The following MOXD1 variants were observed in gnomAD, a reference collection of about 807,000 sequenced individuals.
MOXD1 encodes the protein monooxygenase DBH like 1, also known as DBH-like monooxygenase protein 1.
MOXD1 carries 62 observed loss-of-function variants against 66.6 expected under a neutral mutation model. The observed-to-expected ratio is 0.93, with a 90% CI of 0.76 to 1.15. The LOEUF (loss-of-function observed/expected upper bound fraction) is 1.15, where lower values mean the gene tolerates loss of function less well. MOXD1 is among the 50% of genes most tolerant of loss of function. The pLI is 0.00. For missense variants in MOXD1, 847 were observed against 754.6 expected, an observed-to-expected ratio of 1.12 and a Z score of -1.44; for synonymous variants, 303 against 281.9, an observed-to-expected ratio of 1.07 and a Z score of -0.75.
intron 1 of MOXD1, among the ~76,000 whole-genome samples, chr6:132,384,784 C>T (rs1307236158): frequency 6.6e-6 from 1 of 152,200 alleles, no homozygotes; most frequent in African/African-American, 2.4e-5. Flanking sequence ...AAAGAGGTCC[C>T]TGAGGTCAGC....
chr6:132,320,592 C>T (rs1775056933), intron 9 of MOXD1, 37 bp downstream of exon 9: 1 of 1,500,350 alleles, frequency 6.7e-7, no homozygotes, highest in Non-Finnish European at 9.1e-7. Context: ...TCTTTCTCTC[C>T]ATAAATGAAC....
Position 132,297,800 on chromosome 6 carries a change from T to C in MOXD1, c.1664A>G (p.Asn555Ser). The C allele has an allele frequency of 1.9e-6, 3 of 1,604,944 alleles. No individual in the cohort carries two copies. Among genetic ancestry groups the C allele is most frequent in the Non-Finnish European group, 2.5e-6 (3 of 1,177,032 alleles). ...PVNVRCSKTDNAEWSIQGMTA... is the reference protein window; with the variant it reads ...PVNVRCSKTDSAEWSIQGMTA... ...AAAAGAGCTTACCGACCACTCAGCA[T>C]TGTCTGTCTTGGAACATCTCACATT... The change falls in exon 11 of 12, where the codon AAT (asparagine) becomes AGT (serine). Residue 555 changes from asparagine to serine, a missense_variant. Asn to Ser is a conservative substitution (Grantham distance 46). Coordinates refer to ENST00000367963, the MANE Select transcript of MOXD1 (RefSeq NM_015529.4).
chr6:132,322,579 A>G lies in MOXD1; in HGVS notation c.1305+100T>C, dbSNP rs1236241553. 5 of 1,197,938 alleles carry G rather than the reference A, an allele frequency of 4.2e-6. No homozygotes were observed. In the East Asian group the frequency reaches 1.2e-4, roughly 29 times the overall value. 74.2% of individuals were successfully genotyped at this position (1,197,938 alleles called of 1,614,324 possible). A position where few individuals can be genotyped will look rare whatever the true frequency, so the allele number is the denominator to read the frequency against. Reference sequence around the variant, plus strand: ...GGGTGGTGTTAAGAATACAGATGCAAGGAAAAATTCATTTCACTAGTAGAA... The same window carrying G: ...GGGTGGTGTTAAGAATACAGATGCAGGGAAAAATTCATTTCACTAGTAGAA... On this transcript the variant is annotated intron_variant, in intron 8 of 11. Coordinates refer to ENST00000367963, the MANE Select transcript of MOXD1 (RefSeq NM_015529.4).
intron 4 of MOXD1, among the ~76,000 whole-genome samples, chr6:132,357,640 T>C (rs115730924): frequency 6.6e-6 from 1 of 152,236 alleles, no homozygotes; most frequent in African/African-American, 2.4e-5. Flanking sequence ...AAAGTGAGTG[T>C]CCAGCTGTTC....
intron 4 of MOXD1, among the ~76,000 whole-genome samples, chr6:132,345,604 T>C (rs1482686206): frequency 1.3e-5 from 2 of 152,150 alleles, no homozygotes; most frequent in Non-Finnish European, 2.9e-5. Flanking sequence ...TAGATAATAG[T>C]CTCCAAAAGC....
intron 9 of MOXD1, 63 bp from the exon 10 acceptor site, chr6:132,315,840 CA>C (rs1774938005): frequency 2.6e-6 from 4 of 1,510,906 alleles, no homozygotes; most frequent in Admixed American, 3.6e-5. Flanking sequence ...TTAAAGCACA[CA>C]AGTCATTAAT....
In MOXD1 at chr6:132,351,125, C is replaced by T. The variant is rs190138039; in HGVS notation, c.663+21483G>A. 7.2e-5 allele frequency among the ~76,000 whole-genome samples: 11 copies of T among 152,082 alleles called. No homozygotes were observed. In the East Asian group the frequency reaches 2.1e-3, roughly 29 times the overall value. On this transcript the variant is annotated intron_variant, in intron 4 of 11. Transcript: ENST00000367963. ...ACTTTCTCTTTACTGATTTGGATGC[C>T]CTTTATTTCTTTCTCTTGTCTGATT...
chr6:132,319,684 G>A (rs1357050433), intron 9 of MOXD1, among the ~76,000 whole-genome samples: 1 of 150,704 alleles, frequency 6.6e-6, no homozygotes, highest in Non-Finnish European at 1.5e-5. Context: ...CCAGTACAAT[G>A]TTGAATACAA....
intron 4 of MOXD1, among the ~76,000 whole-genome samples, chr6:132,330,183 G>T (rs1171481947): frequency 1.3e-5 from 2 of 152,146 alleles, no homozygotes; most frequent in African/African-American, 2.4e-5. Flanking sequence ...ATCCAGTACT[G>T]GTCCGTGGCC....
intron 1 of MOXD1, among the ~76,000 whole-genome samples, chr6:132,386,129 G>A (rs1351611510): frequency 3.0e-5 from 4 of 132,960 alleles, no homozygotes; most frequent in Admixed American, 8.2e-5. Context: ...AAGGCCAGGC[G>A]CGGTGGCTCA....
At chr6:132,323,006 G>C in intron 7 of MOXD1, 136 bp from the exon 8 acceptor site, 2 of 795,968 alleles carry the variant, frequency 2.5e-6, no homozygotes, top group Admixed American at 3.4e-5. Flanking sequence ...CTGAAAAAGA[G>C]TTTGAATTCG....
chr6:132,316,789 A>G (rs1460824201), intron 9 of MOXD1, among the ~76,000 whole-genome samples: 1 of 152,178 alleles, frequency 6.6e-6, no homozygotes, highest in Non-Finnish European at 1.5e-5. Flanking sequence ...TATGTCTAAC[A>G]TATATGTTTT....
intron 1 of MOXD1, among the ~76,000 whole-genome samples, chr6:132,396,637 T>C (rs568257433): frequency 2.8e-4 from 42 of 151,596 alleles, no homozygotes; most frequent in African/African-American, 9.7e-4. Context: ...CTTGCTAGAA[T>C]AACCAAGAAA....
At chr6:132,348,618 A>G (rs1184874948) in intron 4 of MOXD1, among the ~76,000 whole-genome samples, 1 of 152,232 alleles carries the variant, frequency 6.6e-6, no homozygotes, top group Non-Finnish European at 1.5e-5. Flanking sequence ...TGTACATATG[A>G]AGAAAACATA....
intron 1 of MOXD1, among the ~76,000 whole-genome samples, chr6:132,395,551 A>G (rs1451315422): frequency 6.6e-6 from 1 of 152,166 alleles, no homozygotes; most frequent in East Asian, 1.9e-4. Context: ...CGGAATGTAA[A>G]CAAATTAAAA....
intron 1 of MOXD1, 27 bp downstream of exon 1, chr6:132,401,136 G>T: frequency 1.4e-6 from 2 of 1,473,200 alleles, no homozygotes; most frequent in Admixed American, 2.2e-5. Context: ...GCTCGGCCGG[G>T]CGGGCTCCGG....
chr6:132,359,536 G>A (rs1393470269), intron 4 of MOXD1, among the ~76,000 whole-genome samples: 2 of 149,150 alleles, frequency 1.3e-5, no homozygotes, highest in Non-Finnish European at 3.0e-5. Flanking sequence ...GCCCAGGCTG[G>A]AGTGCAGTGG....
At chr6:132,311,867 T>C (rs899788406) in intron 10 of MOXD1, among the ~76,000 whole-genome samples, 1 of 152,132 alleles carries the variant, frequency 6.6e-6, no homozygotes, top group African/African-American at 2.4e-5. Flanking sequence ...TAACAACTTG[T>C]TCTGCATTAC....
At chr6:132,378,360 GA>G (rs1562297594) in intron 1 of MOXD1, among the ~76,000 whole-genome samples, 2 of 151,944 alleles carry the variant, frequency 1.3e-5, no homozygotes, top group African/African-American at 4.8e-5. Context: ...GCAAGATTCC[GA>G]AATTTCCCCA....
Sources: gnomAD v4.1 joint callset for allele counts (sites outside exome capture counted in the v4.1 genomes callset) on GRCh38, gnomAD v4.1.1 for gene constraint, MANE v1.5 for transcripts, NCBI Gene and HGNC (gene_info 2026-07-23, HGNC 2026-07-21) for gene names.